The following SLC6A13 variants were observed in gnomAD, a reference collection of about 807,000 sequenced individuals.
SLC6A13 encodes the protein sodium- and chloride-dependent GABA transporter 2.
SLC6A13 carries 69 observed loss-of-function variants against 72.9 expected under a neutral mutation model. That is an observed-to-expected ratio of 0.95 (90% confidence interval 0.78 to 1.16). The LOEUF (loss-of-function observed/expected upper bound fraction) is 1.16. SLC6A13 is among the 50% of genes most tolerant of loss of function. The pLI, the probability that SLC6A13 is intolerant of heterozygous loss-of-function variation, is 0.00. For synonymous variants in SLC6A13, 303 were observed against 303.0 expected (o/e 1.00, Z 0.00); for missense variants, 735 against 760.5 (o/e 0.97, Z 0.39).
At chr12:228,923 C>T (rs1267978256) in intron 7 of SLC6A13, among the ~76,000 whole-genome samples, 1 of 152,184 alleles carries the variant, frequency 6.6e-6, no homozygotes, top group Non-Finnish European at 1.5e-5. Context: ...GGGATGCTGT[C>T]CTATGGCCCC....
intron 2 of SLC6A13, chr12:253,343 G>A (rs921558554): frequency 4.6e-5 from 7 of 152,258 alleles, no homozygotes; most frequent in Admixed American, 4.6e-4. Context: ...CTCGGCATGA[G>A]CCTGACCAAC....
intron 2 of SLC6A13, among the ~76,000 whole-genome samples, chr12:248,932 C>T (rs1340635953): frequency 6.6e-6 from 1 of 152,092 alleles, no homozygotes; most frequent in Non-Finnish European, 1.5e-5. Flanking sequence ...CCAAGTAATA[C>T]AAAATTGGTT....
At chr12:237,371 AGCCT>A in intron 5 of SLC6A13, 81 bp from the exon 6 acceptor site, 1 of 1,502,080 alleles carries the variant, frequency 6.7e-7, no homozygotes, top group East Asian at 2.3e-5. Flanking sequence ...AGTGGAGCTG[AGCCT>A]GCCTCCAGGC....
intron 4 of SLC6A13, chr12:238,266 C>A (rs897973369): frequency 1.5e-5 from 22 of 1,469,432 alleles, no homozygotes; most frequent in Non-Finnish European, 1.8e-5. Flanking sequence ...CAGATGGCAA[C>A]AGGAAAGGTG....
intron 2 of SLC6A13, among the ~76,000 whole-genome samples, chr12:258,333 C>T (rs1942813511): frequency 6.6e-6 from 1 of 152,176 alleles, no homozygotes; most frequent in South Asian, 2.1e-4. Context: ...GTGTTCTCCC[C>T]CAGTTCCCAC....
At chr12:221,271 T>C (rs1305394433) in intron 14 of SLC6A13, 105 bp downstream of exon 14, 5 of 1,342,086 alleles carry the variant, frequency 3.7e-6, no homozygotes, top group Admixed American at 5.1e-5. Flanking sequence ...CTGGGCCCAC[T>C]GGCACCTCCA....
intron 4 of SLC6A13, among the ~76,000 whole-genome samples, chr12:242,042 C>G (rs1410422100): frequency 2.0e-5 from 3 of 152,184 alleles, no homozygotes; most frequent in African/African-American, 7.2e-5. Context: ...ATGGGCTGGG[C>G]CATGTGGGTG....
In SLC6A13 at chr12:228,685, GC is replaced by G. The variant is rs1050928238; in HGVS notation, c.832-1018del. Among the ~76,000 whole-genome samples the G allele has an allele frequency of 5.3e-4, 80 of 152,056 alleles. 1 individual carries two copies. The highest frequency in any genetic ancestry group is 1.3e-4 in the Admixed American group (2 of 15,266). ...TCCCTAGGCATGGTCACCACCCTCA[GC>G]CCCTACCCCTTGCTCCCTCCTTTCA... On this transcript the variant is annotated intron_variant, in intron 7 of 14. Transcript: ENST00000343164.
At chr12:225,059 A>C (rs1305305882) in intron 9 of SLC6A13, among the ~76,000 whole-genome samples, 1 of 152,218 alleles carries the variant, frequency 6.6e-6, no homozygotes, top group Non-Finnish European at 1.5e-5. Context: ...CCCTGCAATG[A>C]CTACACTGGC....
intron 2 of SLC6A13, 91 bp downstream of exon 2, chr12:259,760 T>C (rs1197851025): frequency 1.7e-5 from 27 of 1,613,400 alleles, no homozygotes; most frequent in Non-Finnish European, 2.3e-5. Context: ...TCTATACATC[T>C]ATGGGACTCC....
intron 8 of SLC6A13, among the ~76,000 whole-genome samples, chr12:227,203 GT>G (rs3837516): frequency 0.13 from 20,063 of 151,854 alleles, 1,448 homozygotes; most frequent in South Asian, 0.26. Flanking sequence ...AATGAAACCA[GT>G]TTTTTTTCTC....
chr12:239,156 C>A lies in SLC6A13; in HGVS notation c.479-1146G>T, dbSNP rs554536844. ...CCCTCAGCCACATGCTCTACCACGT[C>A]CACCCTGTTCCCTGCCCCTTCAGCC... On this transcript the variant is annotated intron_variant, in intron 4 of 14. Coordinates refer to ENST00000343164, the MANE Select transcript of SLC6A13 (RefSeq NM_016615.5). Among the ~76,000 whole-genome samples the A allele has an allele frequency of 2.7e-3, 405 of 150,432 alleles. 2 individuals are homozygous for A. The highest frequency in any genetic ancestry group is 4.9e-3 in the Non-Finnish European group (333 of 67,822).
chr12:222,568 T>C lies in SLC6A13; in HGVS notation c.1479A>G (p.Lys493=). Residue 493 remains lysine, a synonymous_variant, in exon 13 of 15, where the codon AAA becomes AAG. Coordinates refer to ENST00000343164, the MANE Select transcript of SLC6A13 (RefSeq NM_016615.5). ...CTGGTGTGAGGAAGAGCCAACAGTATTTGATAAGAGGCCATGGCCTGTACC... is the reference window on the plus strand; with the variant it reads ...CTGGTGTGAGGAAGAGCCAACAGTACTTGATAAGAGGCCATGGCCTGTACC... ...MIGYRPWPLI[K]YCWLFLTPAV... is the part of the protein sequence containing the mutation. 1 of 1,610,566 alleles carries C rather than the reference T, an allele frequency of 6.2e-7. No homozygotes were observed. Among genetic ancestry groups the C allele is most frequent in the Non-Finnish European group, 8.5e-7 (1 of 1,178,142 alleles).
intron 13 of SLC6A13, 117 bp from the exon 14 acceptor site, chr12:221,663 C>T: frequency 1.6e-5 from 11 of 672,466 alleles, no homozygotes; most frequent in Non-Finnish European, 2.8e-5. Context: ...CCCTCTAGCT[C>T]TTCTGGACCA....
chr12:223,779 A>G (rs2137250781), intron 11 of SLC6A13: 1 of 573,754 alleles, frequency 1.7e-6, no homozygotes, highest in South Asian at 2.1e-5. Context: ...ATGGCTCCTC[A>G]CCCATCCCTG....
chr12:241,230 G>C (rs990113310), intron 4 of SLC6A13, among the ~76,000 whole-genome samples: 3 of 152,180 alleles, frequency 2.0e-5, no homozygotes, highest in Admixed American at 6.5e-5. Flanking sequence ...TTGAACCTGT[G>C]GGGTGGAGGT....
Position 224,135 on chromosome 12 carries a change from T to C in SLC6A13, c.1174-6A>G, listed in dbSNP as rs774770567. 6.2e-7 allele frequency: 1 copy of C among 1,614,104 alleles called. No individual in the cohort carries two copies. Among genetic ancestry groups the C allele is most frequent in the South Asian group, 1.1e-5 (1 of 91,074 alleles). On this transcript the variant is annotated splice_polypyrimidine_tract_variant and splice_region_variant and intron_variant, in intron 10 of 14. Coordinates refer to ENST00000343164, the MANE Select transcript of SLC6A13 (RefSeq NM_016615.5). ...AGGCTTTCTACACACACAAACTGGA[T>C]GACAGGGCAAAGGGATTGGAGGGAA...
At chr12:232,411 C>T (rs1941747890) in intron 7 of SLC6A13, among the ~76,000 whole-genome samples, 1 of 152,230 alleles carries the variant, frequency 6.6e-6, no homozygotes, top group Admixed American at 6.5e-5. Context: ...CACTCAGCTT[C>T]CCCCTACAAC....
intron 2 of SLC6A13, among the ~76,000 whole-genome samples, chr12:250,969 A>C (rs918430115): frequency 1.3e-5 from 2 of 151,950 alleles, no homozygotes; most frequent in African/African-American, 4.8e-5. Context: ...ATCCTGGCCA[A>C]CACGGTGAAA....
Sources: allele counts gnomAD v4.1 joint callset (sites outside exome capture counted in the v4.1 genomes callset), GRCh38; gene constraint gnomAD v4.1.1; transcripts MANE v1.5; gene names NCBI Gene and HGNC (gene_info 2026-07-23, HGNC 2026-07-21).